Variants in SENP6 observed in about 807,000 individuals in gnomAD.
The protein encoded by SENP6 is SUMO specific peptidase 6.
In SENP6, 41 loss-of-function variants were observed where a neutral mutation model predicts 134.5. The observed-to-expected ratio is 0.30, with a 90% CI of 0.24 to 0.40. The LOEUF (loss-of-function observed/expected upper bound fraction) is 0.40, where lower values mean the gene tolerates loss of function less well. SENP6 is among the 10% of genes least tolerant of loss of function. The pLI, the probability that SENP6 is intolerant of heterozygous loss-of-function variation, is 1.00. For missense variants in SENP6, 1,248 were observed against 1,312.5 expected (o/e 0.95, Z 0.76); for synonymous variants, 395 against 429.8 (o/e 0.92, Z 1.00).
chr6:75,675,397 G>GT, intron 11 of SENP6, 38 bp from the exon 12 acceptor site: 1 of 1,190,350 alleles, frequency 8.4e-7, no homozygotes. Context: ...GCCTTTCTTT[G>GT]TAAGTCTAGA....
At chr6:75,686,168 T>C (rs1450898431) in intron 16 of SENP6, among the ~76,000 whole-genome samples, 1 of 152,240 alleles carries the variant, frequency 6.6e-6, no homozygotes, top group Non-Finnish European at 1.5e-5. Flanking sequence ...TTTGTCTCTT[T>C]TGATCTCTGT....
chr6:75,656,836 A>G (rs1311880397), intron 7 of SENP6, among the ~76,000 whole-genome samples: 1 of 152,126 alleles, frequency 6.6e-6, no homozygotes, highest in Admixed American at 6.5e-5. Context: ...TAGGGATCAG[A>G]ATTTTAATGT....
intron 9 of SENP6, among the ~76,000 whole-genome samples, chr6:75,665,982 C>T (rs567559859): frequency 9.3e-5 from 14 of 150,514 alleles, no homozygotes; most frequent in Admixed American, 3.3e-4. Flanking sequence ...GACAAGATCG[C>T]GCACTGTACT....
intron 6 of SENP6, among the ~76,000 whole-genome samples, chr6:75,645,577 C>T (rs148060973): frequency 7.2e-4 from 109 of 152,178 alleles, no homozygotes; most frequent in African/African-American, 2.5e-3. Flanking sequence ...AGATTGCGCA[C>T]GCTACTGTTC....
At chr6:75,618,706 ATG>A (rs1467222463) in intron 1 of SENP6, among the ~76,000 whole-genome samples, 1 of 152,228 alleles carries the variant, frequency 6.6e-6, no homozygotes, top group African/African-American at 2.4e-5. Flanking sequence ...TATTAAATAA[ATG>A]TGAGTTCAGG....
intron 19 of SENP6, among the ~76,000 whole-genome samples, chr6:75,707,202 T>G (rs781719791): frequency 5.9e-5 from 9 of 152,224 alleles, no homozygotes; most frequent in Non-Finnish European, 1.3e-4. Context: ...CTGCTGGAAG[T>G]AACCTGATTA....
At chr6:75,697,717 A>G (rs912467195) in intron 18 of SENP6, 200 bp downstream of exon 18, 1 of 478,658 alleles carries the variant, frequency 2.1e-6, no homozygotes, top group African/African-American at 1.9e-5. Context: ...TTTTAGAGAC[A>G]ATAGACCAGA....
intron 5 of SENP6, among the ~76,000 whole-genome samples, chr6:75,636,301 T>C (rs948736008): frequency 3.3e-5 from 5 of 152,156 alleles, no homozygotes; most frequent in African/African-American, 1.2e-4. Context: ...TATAATCAAG[T>C]CAGCAGGACA....
At chr6:75,690,643 C>T (rs1162786231) in intron 16 of SENP6, among the ~76,000 whole-genome samples, 1 of 151,980 alleles carries the variant, frequency 6.6e-6, no homozygotes, top group East Asian at 1.9e-4. Flanking sequence ...GAACTCTACA[C>T]TCAGAATGGT....
intron 7 of SENP6, 113 bp downstream of exon 7, chr6:75,647,914 T>C (rs746537175): frequency 3.2e-5 from 21 of 658,770 alleles, no homozygotes; most frequent in Non-Finnish European, 5.0e-5. Context: ...GATATATATG[T>C]AGAAAACCAT....
chr6:75,644,427 T>G (rs1364112547), intron 6 of SENP6, among the ~76,000 whole-genome samples: 1 of 151,482 alleles, frequency 6.6e-6, no homozygotes, highest in Non-Finnish European at 1.5e-5. Context: ...GATTGGATCC[T>G]GGAACAAAAA....
intron 19 of SENP6, among the ~76,000 whole-genome samples, chr6:75,707,355 CTTTTTTTTT>C (rs10564996): frequency 1.1e-4 from 8 of 74,698 alleles, no homozygotes; most frequent in East Asian, 3.9e-4. Context: ...TCTTCTTCTT[CTTTTTTTTT>C]TTTTTTTTTT....
At chr6:75,631,397 C>CT (rs1400016269) in intron 3 of SENP6, among the ~76,000 whole-genome samples, 1 of 152,200 alleles carries the variant, frequency 6.6e-6, no homozygotes, top group African/African-American at 2.4e-5. Context: ...GCAAAACAGA[C>CT]TTTTTTTGTT....
chr6:75,635,504 C>T (rs937103219), intron 5 of SENP6, among the ~76,000 whole-genome samples: 12 of 152,068 alleles, frequency 7.9e-5, no homozygotes, highest in Admixed American at 6.6e-5. Flanking sequence ...CTAGACTGCT[C>T]GTCATTTAGA....
In SENP6 at chr6:75,673,018, G is replaced by A. The variant is rs188395860; in HGVS notation, c.1392+2298G>A. Among the ~76,000 whole-genome samples, 24 of 152,060 alleles carry A rather than the reference G, an allele frequency of 1.6e-4. No homozygotes were observed. The East Asian group carries it at 3.7e-3, about 23-fold the overall frequency. On this transcript the variant is annotated intron_variant, in intron 11 of 23. Coordinates refer to ENST00000447266, the MANE Select transcript of SENP6 (RefSeq NM_015571.4). ...AATTTTTTGTATTTTTAGTAGAGAC[G>A]GGGTTTCACTGTGTTAGCCAGGATG...
intron 16 of SENP6, among the ~76,000 whole-genome samples, chr6:75,691,796 G>A (rs9360933): frequency 0.2 from 29,811 of 151,700 alleles, 3,384 homozygotes; most frequent in African/African-American, 0.31. Flanking sequence ...GGGTTTCACC[G>A]TGTTAGCCAG....
chr6:75,667,509 GC>G (rs1772335717), intron 10 of SENP6, among the ~76,000 whole-genome samples: 1 of 152,030 alleles, frequency 6.6e-6, no homozygotes, highest in Non-Finnish European at 1.5e-5. Context: ...CATGAAAAGT[GC>G]AAATTAAGGA....
intron 7 of SENP6, among the ~76,000 whole-genome samples, chr6:75,651,637 C>G (rs1453998327): frequency 6.6e-6 from 1 of 152,184 alleles, no homozygotes; most frequent in East Asian, 1.9e-4. Context: ...CAGGTTTGGG[C>G]CACTGCTCTG....
chr6:75,673,916 G>C lies in SENP6; in HGVS notation c.1393-1519G>C, dbSNP rs187168677. ...TGCACCCGTAACCCCAGCTACTAGG[G>C]AGGCTGAGGCAGAAGAATCACTTGA... On this transcript the variant is annotated intron_variant, in intron 11 of 23. Transcript: ENST00000447266. Among the ~76,000 whole-genome samples the C allele has an allele frequency of 7.2e-5, 11 of 151,736 alleles. No homozygotes were observed. In the South Asian group the frequency reaches 8.3e-4, roughly 11 times the overall value.
Sources: gnomAD v4.1 joint callset for allele counts (sites outside exome capture counted in the v4.1 genomes callset) on GRCh38, gnomAD v4.1.1 for gene constraint, MANE v1.5 for transcripts, NCBI Gene and HGNC (gene_info 2026-07-23, HGNC 2026-07-21) for gene names.